Variants in BRD1 observed in about 807,000 individuals in gnomAD.
The protein encoded by BRD1 is bromodomain-containing protein 1.
Under a neutral mutation model 107.7 loss-of-function variants are expected in BRD1, and 24 were observed. That is an observed-to-expected ratio of 0.22 (90% CI 0.16 to 0.31). The LOEUF (loss-of-function observed/expected upper bound fraction) is 0.31. Ranked by LOEUF, BRD1 falls within the 10% of genes least tolerant of loss-of-function variation. BRD1 has a pLI of 1.00. For missense variants in BRD1, 1,279 were observed against 1,638.6 expected (o/e 0.78, Z 3.79); for synonymous variants, 744 against 686.1 (o/e 1.08, Z -1.32).
intron 2 of BRD1, among the ~76,000 whole-genome samples, chr22:49,810,986 GA>G (rs2059838739): frequency 6.6e-6 from 1 of 151,832 alleles, no homozygotes. Flanking sequence ...TCCAAAGTAG[GA>G]AAAAAACAAA....
At chr22:49,785,537 G>A (rs1038540019) in intron 8 of BRD1, among the ~76,000 whole-genome samples, 1 of 152,250 alleles carries the variant, frequency 6.6e-6, no homozygotes, top group African/African-American at 2.4e-5. Flanking sequence ...CCAGGTCAGA[G>A]TCTTTCACCA....
intron 8 of BRD1, among the ~76,000 whole-genome samples, chr22:49,778,200 G>T (rs559702152): frequency 1.3e-5 from 2 of 152,156 alleles, no homozygotes; most frequent in African/African-American, 4.8e-5. Flanking sequence ...CGTGGGCACC[G>T]GCCGCGTTTG....
chr22:49,822,072 TAC>T (rs1285831078), intron 2 of BRD1, among the ~76,000 whole-genome samples: 1 of 152,264 alleles, frequency 6.6e-6, no homozygotes, highest in African/African-American at 2.4e-5. Context: ...TTGAAAGTCA[TAC>T]AGAGTTCCTG....
intron 2 of BRD1, among the ~76,000 whole-genome samples, chr22:49,808,027 C>CA (rs138860): frequency 0.19 from 28,520 of 149,502 alleles, 3,407 homozygotes; most frequent in African/African-American, 0.35. Context: ...TAACAAAAAA[C>CA]AAAAAAAAAA....
rs762088706 is a variant in BRD1, at chr22:49,776,037, G to A, written c.3231+13C>T. 2.6e-6 allele frequency: 4 copies of A among 1,523,548 alleles called. No homozygotes were observed. Among genetic ancestry groups the A allele is most frequent in the Non-Finnish European group, 2.6e-6 (3 of 1,136,526 alleles). The allele number at this position is 1,523,548 out of a possible 1,614,324, so 94.4% of individuals were successfully genotyped here. A position where few individuals can be genotyped will look rare whatever the true frequency, so the allele number is the denominator to read the frequency against. On this transcript the variant is annotated intron_variant, in intron 11 of 12. Transcript: ENST00000404760. Reference sequence around the variant, plus strand: ...TCCTCTGGACCCGCAGGCGCCACGAGAGCCGTACTCACCAGTGCCGGGTAG... The same window carrying A: ...TCCTCTGGACCCGCAGGCGCCACGAAAGCCGTACTCACCAGTGCCGGGTAG...
In BRD1 at chr22:49,794,214, G is replaced by T. The variant is rs754800090; in HGVS notation, c.2179C>A (p.Leu727Ile). 1 of 1,614,196 alleles carries T rather than the reference G, an allele frequency of 6.2e-7. No individual in the cohort carries two copies. ...QLRELLDMLD[L>I]TCAMKSSGSR... ...CCGCTGGACTTCATAGCGCAGGTGA[G>T]GTCGAGCATGTCCAGCAGCTCTCTC... Residue 727 changes from leucine to isoleucine, a missense_variant, in exon 7 of 13, where the codon CTC (leucine) becomes ATC (isoleucine). Physicochemically the swap from Leu to Ile is conservative, Grantham distance 5. Coordinates refer to ENST00000404760, the MANE Select transcript of BRD1 (RefSeq NM_001304808.3).
In BRD1 at chr22:49,792,813, C is replaced by T. The variant is rs1216965590; in HGVS notation, c.2359+1221G>A. On this transcript the variant is annotated intron_variant, in intron 7 of 12. Coordinates refer to ENST00000404760, the MANE Select transcript of BRD1 (RefSeq NM_001304808.3). The surrounding 1 kb of genome is among the most constrained non-coding windows in gnomAD (Gnocchi z 4.2). ...AAAGAAAAGCTTAATGGCTCTCATT[C>T]AAGTTGCCCAAATGTAAAACAGGAT... Among the ~76,000 whole-genome samples, 1 of 152,092 alleles carries T rather than the reference C, an allele frequency of 6.6e-6. No individual in the cohort carries two copies. The highest frequency in any genetic ancestry group is 2.4e-5 in the African/African-American group (1 of 41,390).
chr22:49,794,198 T>C lies in BRD1; in HGVS notation c.2195A>G (p.Lys732Arg). Residue 732 changes from lysine to arginine, a missense_variant, in exon 7 of 13, where the codon AAG (lysine) becomes AGG (arginine). Lys to Arg is a conservative substitution (Grantham distance 26). Transcript: ENST00000404760. The stretch of plus-strand genomic sequence containing the variant: ...CCGCTTGCTCCGGGAGCCGCTGGAC[T>C]TCATAGCGCAGGTGAGGTCGAGCAT... ...LDMLDLTCAM[K>R]SSGSRSKRAK... The C allele has an allele frequency of 2.5e-6, 4 of 1,614,236 alleles. No homozygotes were observed. The highest frequency in any genetic ancestry group is 3.3e-5 in the Admixed American group (2 of 60,032).
At chr22:49,789,419 C>T (rs767983677) in intron 7 of BRD1, among the ~76,000 whole-genome samples, 3 of 152,170 alleles carry the variant, frequency 2.0e-5, no homozygotes, top group South Asian at 2.1e-4. Context: ...AGCGTCCTGA[C>T]GCAGCTGGTG....
At chr22:49,806,988 G>A (rs1297082223) in intron 2 of BRD1, 9 of 133,440 alleles carry the variant, frequency 6.7e-5, no homozygotes, top group Admixed American at 5.0e-4. Flanking sequence ...ACAAGAGCGA[G>A]ACTTTGTCTC....
chr22:49,787,311 C>CA (rs919447491), intron 8 of BRD1, 79 bp downstream of exon 8: 4 of 1,045,354 alleles, frequency 3.8e-6, no homozygotes, highest in South Asian at 3.1e-5. Flanking sequence ...CCCCCCCCCC[C>CA]CGTCACACCA....
intron 2 of BRD1, among the ~76,000 whole-genome samples, chr22:49,814,550 G>T (rs1255441713): frequency 2.0e-5 from 3 of 152,266 alleles, no homozygotes; most frequent in African/African-American, 7.2e-5. Context: ...ACGGGGCAGG[G>T]TGTGCAAAAG....
At chr22:49,818,293 G>A in intron 2 of BRD1, 1 of 1,279,068 alleles carries the variant, frequency 7.8e-7, no homozygotes, top group Admixed American at 2.3e-5. Context: ...TAGAAGATCT[G>A]AAGCAGTCAA....
chr22:49,778,957 G>C (rs569401315), intron 8 of BRD1, among the ~76,000 whole-genome samples: 2 of 152,258 alleles, frequency 1.3e-5, no homozygotes, highest in South Asian at 2.1e-4. Flanking sequence ...CATGACACCC[G>C]GCCATGTGAA....
intron 6 of BRD1, 40 bp from the exon 7 acceptor site, chr22:49,794,334 C>T (rs755853375): frequency 7.0e-6 from 11 of 1,574,508 alleles, no homozygotes; most frequent in Middle Eastern, 1.7e-4. Context: ...TCAGGTCCCA[C>T]GCACCTTCTG....
intron 2 of BRD1, among the ~76,000 whole-genome samples, chr22:49,816,884 C>G (rs1448181384): frequency 6.6e-6 from 1 of 152,246 alleles, no homozygotes; most frequent in African/African-American, 2.4e-5. Flanking sequence ...CAAGGCCCGC[C>G]ACCCAAGGCC....
chr22:49,801,147 C>A (rs549265120), intron 3 of BRD1, among the ~76,000 whole-genome samples: 32 of 152,342 alleles, frequency 2.1e-4, no homozygotes, highest in African/African-American at 7.2e-4. Flanking sequence ...CTGCAGGATG[C>A]GCTCCCAGGA....
chr22:49,797,348 G>C (rs140093471), intron 6 of BRD1, among the ~76,000 whole-genome samples: 198 of 152,326 alleles, frequency 1.3e-3, no homozygotes, highest in African/African-American at 4.6e-3. Flanking sequence ...GCCACCCTCA[G>C]AAGTTAGCCG....
chr22:49,818,482 A>C, intron 2 of BRD1: 1 of 739,780 alleles, frequency 1.4e-6, no homozygotes, highest in Non-Finnish European at 1.7e-6. Context: ...TTTTCACCCC[A>C]TGTATGAACT....
Sources: gnomAD v4.1 joint callset for allele counts (sites outside exome capture counted in the v4.1 genomes callset) on GRCh38, gnomAD v4.1.1 for gene constraint, Gnocchi (gnomAD v3.1) non-coding constraint, MANE v1.5 for transcripts, NCBI Gene and HGNC (gene_info 2026-07-23, HGNC 2026-07-21) for gene names.